The following NAA15 variants were observed in gnomAD, a reference collection of about 807,000 sequenced individuals.
The protein encoded by NAA15 is N-terminal acetyltransferase.
In NAA15, 34 loss-of-function variants were observed where a neutral mutation model predicts 114.0. The ratio of observed to expected loss-of-function variants is 0.30; its 90% CI spans 0.23 to 0.40. The LOEUF is 0.40. NAA15 is among the 10% of genes least tolerant of loss of function. NAA15 has a pLI of 1.00. For synonymous variants in NAA15, 340 were observed against 338.0 expected (o/e 1.01, Z -0.06); for missense variants, 658 against 1,004.5 (o/e 0.66, Z 4.66).
At chr4:139,386,868 T>C (rs1320092804) in intron 19 of NAA15, among the ~76,000 whole-genome samples, 1 of 152,172 alleles carries the variant, frequency 6.6e-6, no homozygotes, top group Non-Finnish European at 1.5e-5. Context: ...AAAATACTTA[T>C]TTTGTAACTT....
chr4:139,380,002 G>A (rs374295138), intron 17 of NAA15, among the ~76,000 whole-genome samples: 1 of 152,110 alleles, frequency 6.6e-6, no homozygotes, highest in Non-Finnish European at 1.5e-5. Context: ...CCGAGATCAC[G>A]CCACTACACT....
intron 14 of NAA15, among the ~76,000 whole-genome samples, chr4:139,363,766 G>T (rs1748201909): frequency 6.6e-6 from 1 of 152,154 alleles, no homozygotes; most frequent in Non-Finnish European, 1.5e-5. Context: ...ACCAACATGG[G>T]TATTGAGATT....
At chr4:139,358,464 C>T (rs1263587131) in intron 11 of NAA15, among the ~76,000 whole-genome samples, 1 of 151,846 alleles carries the variant, frequency 6.6e-6, no homozygotes, top group Non-Finnish European at 1.5e-5. Context: ...CCAAAGTGCT[C>T]AGATTGTAGG....
At chr4:139,312,925 G>T (rs1746268323) in intron 1 of NAA15, among the ~76,000 whole-genome samples, 1 of 151,788 alleles carries the variant, frequency 6.6e-6, no homozygotes, top group Non-Finnish European at 1.5e-5. Flanking sequence ...TTATCTGATG[G>T]GCTCTACTGC....
intron 1 of NAA15, among the ~76,000 whole-genome samples, chr4:139,308,054 CG>C (rs1272829216): frequency 2.6e-4 from 40 of 151,944 alleles, no homozygotes; most frequent in Admixed American, 2.6e-3. Flanking sequence ...CTCTGCCTCC[CG>C]GGTTCACGCC....
chr4:139,326,405 G>T (rs551511569), intron 1 of NAA15, among the ~76,000 whole-genome samples: 47 of 152,190 alleles, frequency 3.1e-4, no homozygotes, highest in Non-Finnish European at 6.0e-4. Flanking sequence ...CTCAGTAAAT[G>T]CTCATTAAAT....
intron 5 of NAA15, 80 bp from the exon 6 acceptor site, chr4:139,344,106 C>T: frequency 8.0e-7 from 1 of 1,256,794 alleles, no homozygotes; most frequent in South Asian, 1.6e-5. Flanking sequence ...TGACTTCTTA[C>T]ATGTTTTTGA....
At chr4:139,333,609 G>T (rs1279287139) in intron 1 of NAA15, among the ~76,000 whole-genome samples, 1 of 152,192 alleles carries the variant, frequency 6.6e-6, no homozygotes, top group Non-Finnish European at 1.5e-5. Flanking sequence ...GGGCATAGTG[G>T]CTCATGCCTG....
chr4:139,363,494 A>T (rs1463186223), intron 14 of NAA15, among the ~76,000 whole-genome samples: 2 of 152,160 alleles, frequency 1.3e-5, no homozygotes, highest in Non-Finnish European at 2.9e-5. Context: ...GGTTTATATC[A>T]TACTCAGTGT....
At position 139,388,326 on chromosome 4, in the gene NAA15, TA is replaced by T; in HGVS notation, c.*243del. 3.2e-6 allele frequency: 1 copy of T among 307,878 alleles called. No individual in the cohort carries two copies. Among genetic ancestry groups the T allele is most frequent in the South Asian group, 6.4e-5 (1 of 15,540 alleles). 19.1% of individuals were successfully genotyped at this position (307,878 alleles called of 1,614,324 possible). On this transcript the variant is annotated 3_prime_UTR_variant, in exon 20 of 20. Transcript: ENST00000296543. ...GCTAAAATTGAGTGGTTAAAAAAGA[TA>T]CCTTATCCTATTCCTCCCCACCCAC...
At chr4:139,348,029 A>C in intron 6 of NAA15, among the ~76,000 whole-genome samples, 1 of 142,038 alleles carries the variant, frequency 7.0e-6, no homozygotes. Flanking sequence ...ACAGAGCGAG[A>C]CTCCGTCTCA....
rs770440174 is a variant in NAA15 at position 139,349,462 on chromosome 4, G to C, written c.692G>C (p.Gly231Ala). ...CDKLAVEETK[G>A]ELLLQLCRLE... ...TTTTTTTTTTTCTGTTTTTAATCAG[G>C]GGAACTTCTGTTGCAACTATGTCGT... is the stretch of plus-strand genomic sequence containing the variant. The change falls in exon 7 of 20, where the codon GGG (glycine) becomes GCG (alanine). Residue 231 changes from glycine to alanine, a missense_variant and splice_region_variant. Physicochemically the swap from Gly to Ala is moderately conservative, Grantham distance 60. Coordinates refer to ENST00000296543, the MANE Select transcript of NAA15 (RefSeq NM_057175.5). 1.9e-6 allele frequency: 3 copies of C among 1,575,922 alleles called. No individual in the cohort carries two copies. Among genetic ancestry groups the C allele is most frequent in the Non-Finnish European group, 2.6e-6 (3 of 1,166,898 alleles).
chr4:139,331,756 T>TGA, intron 1 of NAA15, among the ~76,000 whole-genome samples: 1 of 151,886 alleles, frequency 6.6e-6, no homozygotes, highest in Non-Finnish European at 1.5e-5. Flanking sequence ...TGAGCTATCA[T>TGA]GCCCGGCCAT....
At chr4:139,373,466 T>C in intron 15 of NAA15, among the ~76,000 whole-genome samples, 1 of 152,054 alleles carries the variant, frequency 6.6e-6, no homozygotes, top group Admixed American at 6.5e-5. Flanking sequence ...TAAAATAAAA[T>C]CAAAGTATTA....
At chr4:139,331,617 ATTTTTT>A (rs34467609) in intron 1 of NAA15, among the ~76,000 whole-genome samples, 4 of 127,852 alleles carry the variant, frequency 3.1e-5, no homozygotes, top group Admixed American at 8.2e-5. Context: ...TGCCCGGCTA[ATTTTTT>A]TTTTTTTTTT....
Position 139,389,008 on chromosome 4 carries a change from G to A in NAA15, c.*924G>A. 1 of 152,476 alleles carries A rather than the reference G, an allele frequency of 6.6e-6. No individual in the cohort carries two copies. The highest frequency in any genetic ancestry group is 1.9e-4 in the East Asian group (1 of 5,176). 9.4% of individuals were successfully genotyped at this position (152,476 alleles called of 1,614,324 possible). A position where few individuals can be genotyped will look rare whatever the true frequency, so the allele number is the denominator to read the frequency against. On this transcript the variant is annotated 3_prime_UTR_variant, in exon 20 of 20. Transcript: ENST00000296543. ...TCTATGACTGATCAAAAGACTAATA[G>A]TTAAAAACCTCAGCAGGCCTTGTTC... is the stretch of plus-strand genomic sequence containing the variant.
chr4:139,307,072 G>A (rs904276258), intron 1 of NAA15, among the ~76,000 whole-genome samples: 2 of 152,184 alleles, frequency 1.3e-5, no homozygotes. Flanking sequence ...TCCTAGAAAA[G>A]TGGTGAGAGA....
chr4:139,374,995 A>G (rs534908653), intron 15 of NAA15, among the ~76,000 whole-genome samples: 28 of 152,318 alleles, frequency 1.8e-4, no homozygotes, highest in South Asian at 6.2e-4. Context: ...CTCTGATAGT[A>G]AATTACCCTG....
At chr4:139,330,518 G>C in intron 1 of NAA15, among the ~76,000 whole-genome samples, 1 of 152,182 alleles carries the variant, frequency 6.6e-6, no homozygotes, top group East Asian at 1.9e-4. Context: ...AAGAAACCGG[G>C]TCTGATAGGA....
Sources: allele counts gnomAD v4.1 joint callset (sites outside exome capture counted in the v4.1 genomes callset), GRCh38; gene constraint gnomAD v4.1.1; transcripts MANE v1.5; gene names NCBI Gene and HGNC (gene_info 2026-07-23, HGNC 2026-07-21).